NME7: variants seen among roughly 807,000 people sequenced by gnomAD.
The protein encoded by NME7 is NME/NM23 family member 7.
Under a neutral mutation model 49.1 loss-of-function variants are expected in NME7, and 41 were observed. The observed-to-expected ratio is 0.83, with a 90% CI of 0.65 to 1.08. The LOEUF (loss-of-function observed/expected upper bound fraction) is 1.08. Ranked by LOEUF, NME7 falls within the 50% of genes least tolerant of loss-of-function variation. The pLI, the probability that NME7 is intolerant of heterozygous loss-of-function variation, is 0.00. For missense variants in NME7, 423 were observed against 463.4 expected (o/e 0.91, Z 0.80); for synonymous variants, 139 against 150.6 (o/e 0.92, Z 0.56).
At chr1:169,322,152 G>C (rs1391809859) in intron 3 of NME7, 1 of 152,108 alleles carries the variant, frequency 6.6e-6, no homozygotes, top group African/African-American at 2.4e-5. Context: ...TTGTTTTCTT[G>C]TTTTCTATAA....
chr1:169,353,303 T>A (rs1653248031), intron 1 of NME7, among the ~76,000 whole-genome samples: 1 of 152,064 alleles, frequency 6.6e-6, no homozygotes, highest in Non-Finnish European at 1.5e-5. Flanking sequence ...GAAGACAGCC[T>A]CTTCAATAAA....
chr1:169,222,699 G>A (rs1661180945), intron 10 of NME7, among the ~76,000 whole-genome samples: 1 of 152,096 alleles, frequency 6.6e-6, no homozygotes, highest in African/African-American at 2.4e-5. Flanking sequence ...ATTTTCAGTG[G>A]AGCTGGCCTT....
chr1:169,348,217 G>A (rs1185907943), intron 1 of NME7, among the ~76,000 whole-genome samples: 1 of 152,146 alleles, frequency 6.6e-6, no homozygotes, highest in Non-Finnish European at 1.5e-5. Flanking sequence ...ATCTGAAGAA[G>A]ATATTAAGAC....
At chr1:169,173,989 C>T (rs1659678694) in intron 10 of NME7, among the ~76,000 whole-genome samples, 1 of 152,196 alleles carries the variant, frequency 6.6e-6, no homozygotes, top group African/African-American at 2.4e-5. Context: ...AGCAGTCTTT[C>T]AAATTCCACA....
chr1:169,177,309 T>C (rs904684554), intron 10 of NME7, among the ~76,000 whole-genome samples: 12 of 152,162 alleles, frequency 7.9e-5, no homozygotes, highest in African/African-American at 2.9e-4. Flanking sequence ...TAGCACCATA[T>C]TCTCCTGCCT....
At chr1:169,278,968 G>C (rs1360266300) in intron 7 of NME7, among the ~76,000 whole-genome samples, 2 of 152,166 alleles carry the variant, frequency 1.3e-5, no homozygotes, top group Non-Finnish European at 2.9e-5. Flanking sequence ...CTGTTTGCCT[G>C]GGTATCAGCA....
intron 10 of NME7, among the ~76,000 whole-genome samples, chr1:169,197,134 C>T (rs917293181): frequency 3.9e-5 from 6 of 151,936 alleles, no homozygotes; most frequent in African/African-American, 1.5e-4. Context: ...ATAAGAGTAC[C>T]TATATTTCAC....
At chr1:169,160,766 C>T (rs570536851) in intron 11 of NME7, among the ~76,000 whole-genome samples, 1 of 152,128 alleles carries the variant, frequency 6.6e-6, no homozygotes, top group East Asian at 1.9e-4. Flanking sequence ...TTTGGTAACA[C>T]AGATAAAGAT....
chr1:169,333,092 G>A (rs1452276854), intron 1 of NME7, among the ~76,000 whole-genome samples: 2 of 152,070 alleles, frequency 1.3e-5, no homozygotes, highest in Non-Finnish European at 2.9e-5. Flanking sequence ...AGAAAATGTG[G>A]TACATATACA....
At chr1:169,235,000 T>C (rs760903669) in intron 9 of NME7, 131 bp downstream of exon 9, 32 of 435,428 alleles carry the variant, frequency 7.3e-5, no homozygotes, top group Non-Finnish European at 1.1e-4. Context: ...CACAGAACTT[T>C]AGTATGAATG....
chr1:169,362,817 A>G (rs1358096125), intron 1 of NME7, among the ~76,000 whole-genome samples: 1 of 152,094 alleles, frequency 6.6e-6, no homozygotes, highest in Admixed American at 6.6e-5. Flanking sequence ...TGAAAATTTT[A>G]CTCTAGCCAA....
intron 11 of NME7, among the ~76,000 whole-genome samples, chr1:169,139,703 C>CTGTA (rs1240658043): frequency 6.6e-6 from 1 of 152,220 alleles, no homozygotes; most frequent in African/African-American, 2.4e-5. Context: ...GCCCATCCTG[C>CTGTA]TGTATGTCAC....
intron 4 of NME7, among the ~76,000 whole-genome samples, chr1:169,306,911 G>A (rs967471649): frequency 6.6e-6 from 1 of 152,178 alleles, no homozygotes; most frequent in Non-Finnish European, 1.5e-5. Context: ...GACCGTCACT[G>A]AGATGGGAAA....
intron 1 of NME7, among the ~76,000 whole-genome samples, chr1:169,333,292 A>G (rs978710177): frequency 1.3e-5 from 2 of 152,176 alleles, no homozygotes; most frequent in Non-Finnish European, 1.5e-5. Context: ...GAGTAGAAAG[A>G]TGGTTATCAG....
rs202081199 is a variant in NME7 at position 169,235,191 on chromosome 1, C to T, written c.828G>A (p.Met276Ile). ...AGAATTCCTCAACATTAACCCGATC[C>T]ATATTGAACTATATTAAAAAATAAA... is the stretch of plus-strand genomic sequence containing the variant. Reference protein sequence around the residue: ...FEISAMQMFNMDRVNVEEFYE... With the variant: ...FEISAMQMFNIDRVNVEEFYE... Residue 276 changes from methionine to isoleucine, a missense_variant, in exon 9 of 12, where the codon ATG becomes ATA. By Grantham distance (10) the Met-to-Ile change is conservative. Transcript: ENST00000367811. The T allele has an allele frequency of 2.6e-6, 4 of 1,526,884 alleles. No homozygotes were observed. The highest frequency in any genetic ancestry group is 1.7e-4 in the Middle Eastern group (1 of 5,828). The allele number at this position is 1,526,884 out of a possible 1,614,324, so 94.6% of individuals were successfully genotyped here.
At chr1:169,342,434 T>C (rs1247571837) in intron 1 of NME7, among the ~76,000 whole-genome samples, 1 of 149,662 alleles carries the variant, frequency 6.7e-6, no homozygotes, top group East Asian at 2.0e-4. Flanking sequence ...GTAGTACCTT[T>C]ATAGCAGTGT....
At chr1:169,245,463 G>T (rs1350441199) in intron 7 of NME7, among the ~76,000 whole-genome samples, 2 of 152,168 alleles carry the variant, frequency 1.3e-5, no homozygotes, top group African/African-American at 4.8e-5. Context: ...ATAAACAGGG[G>T]TGGTGGGAAA....
intron 1 of NME7, among the ~76,000 whole-genome samples, chr1:169,332,065 A>C (rs1354495132): frequency 6.6e-6 from 1 of 152,206 alleles, no homozygotes; most frequent in Non-Finnish European, 1.5e-5. Flanking sequence ...ACTGACTTCA[A>C]ATTATACTAC....
At chr1:169,163,264 A>T (rs1158412759) in intron 11 of NME7, among the ~76,000 whole-genome samples, 1 of 151,904 alleles carries the variant, frequency 6.6e-6, no homozygotes, top group Non-Finnish European at 1.5e-5. Flanking sequence ...CAAAGGCATC[A>T]TTCATTTTCA....
Sources: allele counts gnomAD v4.1 joint callset (sites outside exome capture counted in the v4.1 genomes callset), GRCh38; gene constraint gnomAD v4.1.1; transcripts MANE v1.5; gene names NCBI Gene and HGNC (gene_info 2026-07-23, HGNC 2026-07-21).